Variants in DPP6 observed in about 807,000 individuals in gnomAD.
The protein encoded by DPP6 is dipeptidyl peptidase like 6.
In DPP6, 69 loss-of-function variants were observed where a neutral mutation model predicts 122.6. The ratio of observed to expected loss-of-function variants is 0.56; its 90% CI spans 0.46 to 0.69. The LOEUF (loss-of-function observed/expected upper bound fraction) is 0.69, where lower values mean the gene tolerates loss of function less well. DPP6 is among the 30% of genes least tolerant of loss of function. The pLI is 0.00. For missense variants in DPP6, 928 were observed against 1,116.9 expected, an observed-to-expected ratio of 0.83 and a Z score of 2.41; for synonymous variants, 418 against 433.1, an observed-to-expected ratio of 0.97 and a Z score of 0.43.
chr7:154,807,103 A>G lies in DPP6; in HGVS notation c.1657A>G (p.Lys553Glu). Residue 553 changes from lysine (K) to glutamate (E), a missense_variant, in exon 16 of 26, where the codon AAG becomes GAG. Lys to Glu is a moderately conservative substitution (Grantham distance 56, BLOSUM62 1). Transcript: ENST00000377770. ...CCATAGCATGGACTTCTTCCTGCTC[A>G]AGTGCGAAGGTCAGCTCCTGCCACC... ...FSHSMDFFLLKCEGPGVPMVT... is the reference protein window; with the variant it reads ...FSHSMDFFLLECEGPGVPMVT... The G allele has an allele frequency of 6.2e-7, 1 of 1,613,106 alleles. No homozygotes were observed.
At chr7:154,183,156 C>T (rs1416305486) in intron 1 of DPP6, among the ~76,000 whole-genome samples, 1 of 152,212 alleles carries the variant, frequency 6.6e-6, no homozygotes, top group Non-Finnish European at 1.5e-5. Flanking sequence ...CTTTTCTCTT[C>T]CTCCTTTCTT....
At chr7:153,924,575 CCTT>C (rs1344702807) in intron 1 of DPP6, among the ~76,000 whole-genome samples, 5 of 152,228 alleles carry the variant, frequency 3.3e-5, no homozygotes, top group African/African-American at 1.2e-4. Flanking sequence ...CTAGAGCTTT[CCTT>C]CTGCTTTCTG....
intron 1 of DPP6, among the ~76,000 whole-genome samples, chr7:154,098,408 G>C (rs1805488898): frequency 6.6e-6 from 1 of 152,114 alleles, no homozygotes; most frequent in Non-Finnish European, 1.5e-5. Context: ...GTGTGAGAAT[G>C]GACTAATACA....
the DPP6 span, among the ~76,000 whole-genome samples, chr7:153,778,703 G>A: frequency 0.019 from 2,842 of 152,082 alleles, 32 homozygotes; most frequent in African/African-American, 0.036. Flanking sequence ...AGGCCAGTAT[G>A]GGGGCAATTG....
At chr7:153,890,423 G>A (rs1195492123) in intron 1 of DPP6, among the ~76,000 whole-genome samples, 1 of 152,232 alleles carries the variant, frequency 6.6e-6, no homozygotes, top group African/African-American at 2.4e-5. Flanking sequence ...TGGACCTGCA[G>A]CCTGTTGTTT....
intron 5 of DPP6, among the ~76,000 whole-genome samples, chr7:154,635,380 C>G (rs558361112): frequency 6.6e-6 from 1 of 152,170 alleles, no homozygotes; most frequent in Admixed American, 6.6e-5. Flanking sequence ...GTGAGTGGTC[C>G]TCTCCCAGCC....
intron 1 of DPP6, among the ~76,000 whole-genome samples, chr7:154,283,211 A>G (rs1226834548): frequency 1.3e-5 from 2 of 152,148 alleles, no homozygotes; most frequent in East Asian, 3.9e-4. Flanking sequence ...TTTGAGAGAC[A>G]GAAGCGAGTA....
At chr7:154,804,380 G>A (rs752746784) in intron 14 of DPP6, among the ~76,000 whole-genome samples, 1 of 152,196 alleles carries the variant, frequency 6.6e-6, no homozygotes, top group African/African-American at 2.4e-5. Context: ...TTTGCTCCAG[G>A]TTATTCAGTT....
At chr7:153,853,641 T>C in the DPP6 span, among the ~76,000 whole-genome samples, 8 of 152,248 alleles carry the variant, frequency 5.3e-5, no homozygotes, top group South Asian at 2.1e-4. Flanking sequence ...ACAGTGCTGA[T>C]AGACAGAGTG....
intron 5 of DPP6, among the ~76,000 whole-genome samples, chr7:154,585,936 G>A (rs925752684): frequency 9.9e-5 from 15 of 152,152 alleles, no homozygotes; most frequent in Non-Finnish European, 2.9e-5. Flanking sequence ...TCAGTCATGA[G>A]CATGGGAGAA....
At chr7:154,648,856 T>C (rs1365715507) in intron 6 of DPP6, among the ~76,000 whole-genome samples, 3 of 151,316 alleles carry the variant, frequency 2.0e-5, no homozygotes, top group African/African-American at 7.3e-5. Context: ...GAGGCAGAGG[T>C]TGCAGTGAGC....
At position 154,724,991 on chromosome 7, in the gene DPP6, G is replaced by T. The variant is rs552144637; in HGVS notation, c.763-2776G>T. Among the ~76,000 whole-genome samples the T allele has an allele frequency of 5.9e-5, 9 of 152,250 alleles. No individual in the cohort carries two copies. The South Asian group carries it at 1.0e-3, about 18-fold the overall frequency. ...TAGCTTTCTGAGAAAGACCTTGCCT[G>T]CCCTTTGCCTGAGTTAGGCAGCTCT... is the stretch of plus-strand genomic sequence containing the variant. On this transcript the variant is annotated intron_variant, in intron 7 of 25. Transcript: ENST00000377770.
chr7:154,198,615 C>T (rs746771872), intron 1 of DPP6, among the ~76,000 whole-genome samples: 1 of 152,138 alleles, frequency 6.6e-6, no homozygotes, highest in Non-Finnish European at 1.5e-5. Context: ...CACCCGGCCT[C>T]ACTTCACATA....
At chr7:153,844,727 C>T in the DPP6 span, among the ~76,000 whole-genome samples, 1 of 152,150 alleles carries the variant, frequency 6.6e-6, no homozygotes, top group East Asian at 1.9e-4. Context: ...GATAGACTTT[C>T]TATAATCTGT....
chr7:154,301,843 C>T (rs920548574), intron 1 of DPP6, among the ~76,000 whole-genome samples: 1 of 137,826 alleles, frequency 7.3e-6, no homozygotes, highest in East Asian at 2.2e-4. Context: ...CCCGGGCTGT[C>T]ACCCAGCTCT....
intron 1 of DPP6, among the ~76,000 whole-genome samples, chr7:154,371,400 AAAAAGAAAGAAAG>A (rs1812656507): frequency 8.0e-6 from 1 of 125,680 alleles, no homozygotes; most frequent in Non-Finnish European, 1.6e-5. Flanking sequence ...AAAAAAAAAA[AAAAAGAAAGAAAG>A]AAAGAAAGAC....
chr7:154,181,684 ATTTG>A (rs1234870095), intron 1 of DPP6, among the ~76,000 whole-genome samples: 2 of 151,310 alleles, frequency 1.3e-5, no homozygotes, highest in African/African-American at 4.9e-5. Flanking sequence ...TGTGTGTTTA[ATTTG>A]TTTCTTTTGC....
chr7:153,787,012 T>G, the DPP6 span, among the ~76,000 whole-genome samples: 1 of 146,972 alleles, frequency 6.8e-6, no homozygotes, highest in Non-Finnish European at 1.5e-5. Context: ...AGTGCAGTGG[T>G]GCGATCTCAG....
intron 6 of DPP6, among the ~76,000 whole-genome samples, chr7:154,656,688 G>C (rs1317924634): frequency 3.3e-5 from 5 of 152,162 alleles, no homozygotes; most frequent in Non-Finnish European, 5.9e-5. Context: ...GCTGATGATG[G>C]GTTAGAGGCT....
Sources: gnomAD v4.1 joint callset for allele counts (sites outside exome capture counted in the v4.1 genomes callset) on GRCh38, gnomAD v4.1.1 for gene constraint, MANE v1.5 for transcripts, NCBI Gene and HGNC (gene_info 2026-07-23, HGNC 2026-07-21) for gene names.